Variants in TBC1D5 observed in about 807,000 individuals in gnomAD.
TBC1D5 encodes TBC1 domain family member 5.
TBC1D5 carries 75 observed loss-of-function variants against 100.3 expected under a neutral mutation model. The ratio of observed to expected loss-of-function variants is 0.75; its 90% CI spans 0.62 to 0.91. The LOEUF (loss-of-function observed/expected upper bound fraction) is 0.91, where lower values mean the gene tolerates loss of function less well. Among genes scored for constraint, TBC1D5 ranks in the 40% least tolerant of loss-of-function variants. The pLI is 0.00. For synonymous variants in TBC1D5, 323 were observed against 325.6 expected, an observed-to-expected ratio of 0.99 and a Z score of 0.09; for missense variants, 910 against 942.4, an observed-to-expected ratio of 0.97 and a Z score of 0.45.
intron 2 of TBC1D5, among the ~76,000 whole-genome samples, chr3:17,518,019 AT>A (rs921634544): frequency 1.6e-4 from 24 of 152,200 alleles, no homozygotes; most frequent in Non-Finnish European, 2.8e-4. Context: ...AATAATAAAC[AT>A]TAAAAATTCT....
chr3:17,187,992 T>C (rs902497377), intron 18 of TBC1D5, among the ~76,000 whole-genome samples: 2 of 152,234 alleles, frequency 1.3e-5, no homozygotes, highest in South Asian at 2.1e-4. Context: ...AATGGATTCA[T>C]TTTCTTTTGC....
In TBC1D5 at chr3:17,712,018, TG is replaced by T. The variant is rs1290155832; in HGVS notation, c.-101+27324del. 3.3e-5 allele frequency among the ~76,000 whole-genome samples: 5 copies of T among 152,346 alleles called. No homozygotes were observed. The East Asian group carries it at 9.6e-4, about 29-fold the overall frequency. On this transcript the variant is annotated intron_variant, in intron 1 of 21. Transcript: ENST00000253692. ...AATGTAAAACACATGCTTAATTAAATGTATGTCACAGACAAGCAAACAAATT... is the reference window on the plus strand; with the variant it reads ...AATGTAAAACACATGCTTAATTAAATTATGTCACAGACAAGCAAACAAATT...
intron 1 of TBC1D5, chr3:17,705,978 T>G: frequency 1.4e-6 from 2 of 1,414,740 alleles, no homozygotes; most frequent in Non-Finnish European, 1.9e-6. Flanking sequence ...CAGCATTTCT[T>G]TACTCTTTTT....
chr3:17,227,257 A>G (rs1244401627), intron 17 of TBC1D5, among the ~76,000 whole-genome samples: 1 of 152,152 alleles, frequency 6.6e-6, no homozygotes, highest in Non-Finnish European at 1.5e-5. Flanking sequence ...GGTCCTCTCT[A>G]GTGGAGAACA....
chr3:17,205,928 A>G (rs952942256), intron 18 of TBC1D5, among the ~76,000 whole-genome samples: 13 of 152,070 alleles, frequency 8.5e-5, no homozygotes, highest in Non-Finnish European at 1.8e-4. Context: ...CTATTTCAGG[A>G]CTCTTGTTAT....
intron 16 of TBC1D5, among the ~76,000 whole-genome samples, chr3:17,248,005 T>TC (rs1200447301): frequency 6.7e-6 from 1 of 149,384 alleles, no homozygotes; most frequent in Middle Eastern, 3.2e-3. Context: ...TTTTTTTTTT[T>TC]CTTCTAAACA....
At chr3:17,229,187 C>A (rs920577401) in intron 17 of TBC1D5, among the ~76,000 whole-genome samples, 2 of 152,060 alleles carry the variant, frequency 1.3e-5, no homozygotes, top group African/African-American at 4.8e-5. Context: ...AACCTGGGAA[C>A]CCCTGTTCTG....
In TBC1D5 at chr3:17,637,029, T is replaced by A. The variant is rs537318854; in HGVS notation, c.-100-13116A>T. On this transcript the variant is annotated intron_variant, in intron 1 of 21. Transcript: ENST00000253692. Reference sequence around the variant, plus strand: ...CTAAGAAATAAAATCATTTATTATTTTTTTTTTTTTGAGACGGAGTGTCAC... The same window carrying A: ...CTAAGAAATAAAATCATTTATTATTATTTTTTTTTTGAGACGGAGTGTCAC... Among the ~76,000 whole-genome samples the A allele has an allele frequency of 1.4e-3, 207 of 150,586 alleles. 2 individuals are homozygous for A. The South Asian group carries it at 0.019, about 14-fold the overall frequency.
At chr3:17,233,950 GTGTT>G (rs2075650544) in intron 17 of TBC1D5, among the ~76,000 whole-genome samples, 200 bp from the exon 18 acceptor site, 1 of 151,906 alleles carries the variant, frequency 6.6e-6, no homozygotes, top group East Asian at 1.9e-4. Flanking sequence ...GAAATGTTTT[GTGTT>G]TGTTTTTCTT....
chr3:17,564,734 A>G (rs1420784812), intron 2 of TBC1D5, among the ~76,000 whole-genome samples: 3 of 152,196 alleles, frequency 2.0e-5, no homozygotes, highest in African/African-American at 7.2e-5. Flanking sequence ...TAGTCAGCAT[A>G]GACAAATGGC....
chr3:17,422,355 T>G (rs537479370), intron 4 of TBC1D5, among the ~76,000 whole-genome samples: 65 of 145,212 alleles, frequency 4.5e-4, no homozygotes, highest in South Asian at 3.7e-3. Flanking sequence ...TGTTTTTTTG[T>G]TTTTTTTTTT....
At chr3:17,724,781 G>T (rs1345233802) in intron 1 of TBC1D5, among the ~76,000 whole-genome samples, 1 of 152,056 alleles carries the variant, frequency 6.6e-6, no homozygotes, top group Non-Finnish European at 1.5e-5. Context: ...TGTAATATGT[G>T]TATGTGTGTG....
At chr3:17,591,233 C>CAAAAAAA (rs60889092) in intron 2 of TBC1D5, among the ~76,000 whole-genome samples, 555 of 18,548 alleles carry the variant, frequency 0.03, 64 homozygotes, top group Non-Finnish European at 0.052. Context: ...AAGGATCTGT[C>CAAAAAAA]AAAAAAAAAA....
chr3:17,222,313 C>T (rs2733510), intron 17 of TBC1D5, among the ~76,000 whole-genome samples: 68,119 of 151,986 alleles, frequency 0.45, 16,222 homozygotes, highest in African/African-American at 0.55. Flanking sequence ...AACTTCTACA[C>T]TGGTAATTTT....
chr3:17,702,841 G>A (rs2073402854), intron 1 of TBC1D5, among the ~76,000 whole-genome samples: 1 of 152,094 alleles, frequency 6.6e-6, no homozygotes, highest in Non-Finnish European at 1.5e-5. Context: ...AATAAGTAAA[G>A]GCAGAGTGTG....
At chr3:17,480,140 CG>C (rs749422504) in intron 3 of TBC1D5, among the ~76,000 whole-genome samples, 2 of 152,178 alleles carry the variant, frequency 1.3e-5, no homozygotes, top group Non-Finnish European at 2.9e-5. Context: ...ACTGTCATGC[CG>C]GCCCCCTGCC....
At chr3:17,595,321 T>G (rs9713998) in intron 2 of TBC1D5, among the ~76,000 whole-genome samples, 1,587 of 152,240 alleles carry the variant, frequency 0.01, 24 homozygotes, top group African/African-American at 0.036. Context: ...TGCCAGGATA[T>G]GGGTAGTTTA....
At chr3:17,164,564 G>C (rs532117929) in intron 21 of TBC1D5, among the ~76,000 whole-genome samples, 1 of 152,190 alleles carries the variant, frequency 6.6e-6, no homozygotes, top group African/African-American at 2.4e-5. Flanking sequence ...GGAAGCCTTC[G>C]GAACTTCCAC....
chr3:17,238,221 C>CTGTTGCAA lies in TBC1D5; in HGVS notation c.1522_1529dup (p.Gln510HisfsTer11). ...TCATCAGCCTCTGCTGCTGCTGTTGCTGTTGCAAGTGATGGCTTGGGGCCT... is the reference window on the plus strand; with the variant it reads ...TCATCAGCCTCTGCTGCTGCTGTTGCTGTTGCAATGTTGCAAGTGATGGCTTGGGGCCT... On this transcript the variant is annotated frameshift_variant, in exon 17 of 22. Transcript: ENST00000253692. LOFTEE classifies it high-confidence loss of function. 6.2e-7 allele frequency: 1 copy of CTGTTGCAA among 1,613,974 alleles called. No individual in the cohort carries two copies. Among genetic ancestry groups the CTGTTGCAA allele is most frequent in the Non-Finnish European group, 8.5e-7 (1 of 1,179,916 alleles).
Sources: allele counts gnomAD v4.1 joint callset (sites outside exome capture counted in the v4.1 genomes callset), GRCh38; gene constraint gnomAD v4.1.1; transcripts MANE v1.5; gene names NCBI Gene and HGNC (gene_info 2026-07-23, HGNC 2026-07-21).